RBM47: variants seen among roughly 807,000 people sequenced by gnomAD.
RBM47 encodes the protein RNA-binding protein 47.
Under a neutral mutation model 47.1 loss-of-function variants are expected in RBM47, and 21 were observed. The ratio of observed to expected loss-of-function variants is 0.45; its 90% CI spans 0.32 to 0.64. RBM47 has a LOEUF of 0.64. Among genes scored for constraint, RBM47 ranks in the 30% least tolerant of loss-of-function variants. RBM47 has a pLI of 0.05. For missense variants in RBM47, 708 were observed against 870.9 expected, an observed-to-expected ratio of 0.81 and a Z score of 2.35; for synonymous variants, 375 against 361.7, an observed-to-expected ratio of 1.04 and a Z score of -0.42.
At chr4:40,544,735 C>T (rs1560459111) in intron 1 of RBM47, among the ~76,000 whole-genome samples, 1 of 152,020 alleles carries the variant, frequency 6.6e-6, no homozygotes, top group South Asian at 2.1e-4. Context: ...AAGACTATTC[C>T]GTTTCATATT....
chr4:40,433,070 C>T (rs1711599903), intron 5 of RBM47, among the ~76,000 whole-genome samples: 1 of 152,116 alleles, frequency 6.6e-6, no homozygotes, highest in African/African-American at 2.4e-5. Flanking sequence ...AAGAGATCCT[C>T]CCACCTCAGC....
At chr4:40,584,025 G>A (rs925848638) in intron 1 of RBM47, among the ~76,000 whole-genome samples, 2 of 152,008 alleles carry the variant, frequency 1.3e-5, no homozygotes, top group Non-Finnish European at 2.9e-5. Context: ...TGGCTGGAGT[G>A]CAGTGACGCA....
At chr4:40,593,042 C>T (rs1298452317) in intron 1 of RBM47, among the ~76,000 whole-genome samples, 2 of 112,940 alleles carry the variant, frequency 1.8e-5, no homozygotes, top group Admixed American at 1.2e-4. Flanking sequence ...GTCGCCCAGG[C>T]TGGAGTCCGG....
chr4:40,594,720 C>A (rs1274209076), intron 1 of RBM47, among the ~76,000 whole-genome samples: 2 of 152,196 alleles, frequency 1.3e-5, no homozygotes, highest in Non-Finnish European at 2.9e-5. Context: ...GGACCCAAAT[C>A]CTTGTTTCTC....
rs116178307 is a variant in RBM47 at position 40,605,035 on chromosome 4, T to C, written c.-240+24361A>G. On this transcript the variant is annotated intron_variant, in intron 1 of 6. Coordinates refer to ENST00000295971, the MANE Select transcript of RBM47 (RefSeq NM_001098634.2). Reference sequence around the variant, plus strand: ...TGGTCTTTTGTTGTTGTTGTTGTCGTGGTTGTTAAGGAGTTTCGCTCTTGT... The same window carrying C: ...TGGTCTTTTGTTGTTGTTGTTGTCGCGGTTGTTAAGGAGTTTCGCTCTTGT... 3.4e-3 allele frequency among the ~76,000 whole-genome samples: 516 copies of C among 151,366 alleles called. 4 individuals are homozygous for C. The highest frequency in any genetic ancestry group is 0.012 in the African/African-American group (501 of 41,186).
At chr4:40,442,398 T>G (rs1008920129) in intron 3 of RBM47, among the ~76,000 whole-genome samples, 3 of 152,100 alleles carry the variant, frequency 2.0e-5, no homozygotes, top group Non-Finnish European at 4.4e-5. Context: ...CGTGGAGAAA[T>G]TGAAACCCTC....
At chr4:40,542,916 T>C (rs1156474693) in intron 2 of RBM47, 2 of 152,210 alleles carry the variant, frequency 1.3e-5, no homozygotes, top group East Asian at 1.9e-4. Flanking sequence ...TATTATTTAA[T>C]ATCTTCTGTG....
At chr4:40,485,513 G>A (rs1225361389) in intron 2 of RBM47, among the ~76,000 whole-genome samples, 1 of 152,100 alleles carries the variant, frequency 6.6e-6, no homozygotes. Flanking sequence ...TCATTTCTCT[G>A]GCTTTAGTTT....
intron 2 of RBM47, among the ~76,000 whole-genome samples, chr4:40,488,469 T>G (rs1721429520): frequency 6.6e-6 from 1 of 152,106 alleles, no homozygotes; most frequent in African/African-American, 2.4e-5. Context: ...TTTAGGAAAA[T>G]ATTTTCTTCT....
intron 1 of RBM47, among the ~76,000 whole-genome samples, chr4:40,622,460 T>C (rs919439635): frequency 6.6e-6 from 1 of 152,078 alleles, no homozygotes; most frequent in African/African-American, 2.4e-5. Flanking sequence ...TAAGGATGTG[T>C]GTGGTAGCAG....
chr4:40,562,729 G>A (rs1048694302), intron 1 of RBM47, among the ~76,000 whole-genome samples: 4 of 152,142 alleles, frequency 2.6e-5, no homozygotes, highest in African/African-American at 7.2e-5. Context: ...GCCTCCCAAA[G>A]CATTAGGATT....
At chr4:40,525,365 C>T (rs779408227) in intron 2 of RBM47, among the ~76,000 whole-genome samples, 5 of 152,032 alleles carry the variant, frequency 3.3e-5, no homozygotes, top group South Asian at 2.1e-4. Context: ...AGCTGAGGCA[C>T]GAGAATCGCT....
chr4:40,474,655 T>C (rs2154238547), intron 2 of RBM47, among the ~76,000 whole-genome samples: 1 of 152,370 alleles, frequency 6.6e-6, no homozygotes, highest in East Asian at 1.9e-4. Context: ...GTGCCATCTC[T>C]CATTTGTCAC....
intron 1 of RBM47, among the ~76,000 whole-genome samples, chr4:40,603,594 C>G (rs909156300): frequency 6.6e-6 from 1 of 151,620 alleles, no homozygotes; most frequent in African/African-American, 2.4e-5. Flanking sequence ...CTTCTCTCCT[C>G]TCTCTCCCTC....
chr4:40,479,029 C>A (rs1490819921), intron 2 of RBM47, among the ~76,000 whole-genome samples: 1 of 152,178 alleles, frequency 6.6e-6, no homozygotes, highest in Non-Finnish European at 1.5e-5. Context: ...GTGTCAAACA[C>A]TGATAATGAA....
chr4:40,562,227 A>G (rs1730697588), intron 1 of RBM47, among the ~76,000 whole-genome samples: 1 of 152,140 alleles, frequency 6.6e-6, no homozygotes, highest in Non-Finnish European at 1.5e-5. Flanking sequence ...TAGGATTAAC[A>G]CGATCAAAGA....
At chr4:40,437,171 T>C (rs5857728) in intron 4 of RBM47, among the ~76,000 whole-genome samples, 1 of 92,362 alleles carries the variant, frequency 1.1e-5, no homozygotes. Context: ...TATATATATA[T>C]AATACATATA....
chr4:40,443,751 A>AAAAAAAAAAAC, intron 3 of RBM47, among the ~76,000 whole-genome samples: 1 of 143,750 alleles, frequency 7.0e-6, no homozygotes, highest in Non-Finnish European at 1.5e-5. Flanking sequence ...AAAAAAAAAA[A>AAAAAAAAAAAC]AGGTACACTG....
chr4:40,429,840 G>A (rs961068831), intron 6 of RBM47, among the ~76,000 whole-genome samples: 14 of 151,932 alleles, frequency 9.2e-5, no homozygotes, highest in African/African-American at 2.7e-4. Flanking sequence ...ACCCCTGAGC[G>A]CCTACAAGGT....
Sources: gnomAD v4.1 joint callset for allele counts (sites outside exome capture counted in the v4.1 genomes callset) on GRCh38, gnomAD v4.1.1 for gene constraint, MANE v1.5 for transcripts, NCBI Gene and HGNC (gene_info 2026-07-23, HGNC 2026-07-21) for gene names.